L3MBTL4: variants seen among roughly 807,000 people sequenced by gnomAD.
L3MBTL4 encodes the protein L3MBTL histone methyl-lysine binding protein 4, also known as lethal(3)malignant brain tumor-like protein 4.
L3MBTL4 carries 70 observed loss-of-function variants against 84.5 expected under a neutral mutation model. The observed-to-expected ratio is 0.83, with a 90% CI of 0.68 to 1.01. The LOEUF is 1.01. Ranked by LOEUF, L3MBTL4 falls within the 50% of genes least tolerant of loss-of-function variation. The pLI, the probability that L3MBTL4 is intolerant of heterozygous loss-of-function variation, is 0.00. For missense variants in L3MBTL4, 715 were observed against 754.8 expected, an observed-to-expected ratio of 0.95 and a Z score of 0.62; for synonymous variants, 274 against 259.8, an observed-to-expected ratio of 1.05 and a Z score of -0.52.
In L3MBTL4 at chr18:6,266,213, C is replaced by T. The variant is rs116851098; in HGVS notation, c.128-2175G>A. Among the ~76,000 whole-genome samples the T allele has an allele frequency of 1.1e-3, 166 of 152,268 alleles. 4 individuals are homozygous for T. In the East Asian group the frequency reaches 0.03, roughly 27 times the overall value. Reference sequence around the variant, plus strand: ...TGCTAAGCAACAGGCATATGTATGTCCACACAACCAAACACATTCACGTAG... The same window carrying T: ...TGCTAAGCAACAGGCATATGTATGTTCACACAACCAAACACATTCACGTAG... On this transcript the variant is annotated intron_variant, in intron 4 of 18. Coordinates refer to ENST00000317931, the MANE Select transcript of L3MBTL4 (RefSeq NM_001330559.2).
chr18:6,267,901 G>A (rs1484197001), intron 4 of L3MBTL4, among the ~76,000 whole-genome samples: 1 of 152,218 alleles, frequency 6.6e-6, no homozygotes, highest in Non-Finnish European at 1.5e-5. Context: ...CTCAGAGCCT[G>A]TAGACGGGTC....
intron 14 of L3MBTL4, among the ~76,000 whole-genome samples, chr18:6,094,998 A>G (rs1315560108): frequency 6.6e-6 from 1 of 152,216 alleles, no homozygotes; most frequent in East Asian, 1.9e-4. Flanking sequence ...TGATTCAACA[A>G]TCCATAAGCA....
At chr18:6,123,471 T>A (rs1041780585) in intron 14 of L3MBTL4, among the ~76,000 whole-genome samples, 2 of 152,156 alleles carry the variant, frequency 1.3e-5, no homozygotes. Flanking sequence ...TGAGATCTGA[T>A]GGTTTTATAC....
At chr18:6,191,535 T>C (rs910944622) in intron 12 of L3MBTL4, among the ~76,000 whole-genome samples, 11 of 152,160 alleles carry the variant, frequency 7.2e-5, no homozygotes, top group African/African-American at 2.7e-4. Context: ...CTATTCGACA[T>C]AAAACGGACA....
At chr18:6,314,016 T>C (rs944476886) in intron 1 of L3MBTL4, among the ~76,000 whole-genome samples, 1 of 151,442 alleles carries the variant, frequency 6.6e-6, no homozygotes, top group African/African-American at 2.4e-5. Flanking sequence ...GAGATGAATG[T>C]TATACAGATG....
chr18:6,002,270 G>A (rs2054248057), intron 16 of L3MBTL4, among the ~76,000 whole-genome samples: 1 of 152,160 alleles, frequency 6.6e-6, no homozygotes, highest in Non-Finnish European at 1.5e-5. Flanking sequence ...TTCATTTTCA[G>A]TAGACCTGCC....
At chr18:6,036,760 A>G (rs1452973360) in intron 16 of L3MBTL4, among the ~76,000 whole-genome samples, 2 of 152,190 alleles carry the variant, frequency 1.3e-5, no homozygotes, top group East Asian at 3.8e-4. Context: ...AGAGTTTGCT[A>G]ATTTTTTATA....
chr18:6,026,089 T>C (rs1427632453), intron 16 of L3MBTL4, among the ~76,000 whole-genome samples: 1 of 152,272 alleles, frequency 6.6e-6, no homozygotes, highest in Admixed American at 6.5e-5. Flanking sequence ...ATGATACGAC[T>C]GACTTCTCTC....
chr18:6,302,109 G>T, intron 3 of L3MBTL4, 152 bp from the exon 4 acceptor site: 1 of 727,288 alleles, frequency 1.4e-6, no homozygotes. Context: ...TCCGGTGGGT[G>T]CCCAGGAGGG....
At chr18:6,015,150 G>A (rs1279883030) in intron 16 of L3MBTL4, among the ~76,000 whole-genome samples, 1 of 152,166 alleles carries the variant, frequency 6.6e-6, no homozygotes, top group Non-Finnish European at 1.5e-5. Flanking sequence ...GAAGACACAG[G>A]TAGATTTCAA....
intron 16 of L3MBTL4, among the ~76,000 whole-genome samples, chr18:6,007,066 TA>T (rs1345543941): frequency 2.0e-5 from 3 of 151,222 alleles, no homozygotes; most frequent in Non-Finnish European, 3.0e-5. Context: ...CAAGAGTAAA[TA>T]AAAAAATGGT....
intron 16 of L3MBTL4, among the ~76,000 whole-genome samples, chr18:5,997,794 T>C (rs923462259): frequency 6.6e-6 from 1 of 152,184 alleles, no homozygotes; most frequent in African/African-American, 2.4e-5. Flanking sequence ...AAATAAACTT[T>C]CTAAATTGGT....
At chr18:6,209,370 T>C (rs1478094886) in intron 12 of L3MBTL4, among the ~76,000 whole-genome samples, 3 of 150,816 alleles carry the variant, frequency 2.0e-5, no homozygotes, top group African/African-American at 5.0e-5. Context: ...AGCCGGGATA[T>C]TATTACTGAG....
chr18:6,030,047 T>C (rs1323272451), intron 16 of L3MBTL4: 3 of 985,356 alleles, frequency 3.0e-6, no homozygotes, highest in Non-Finnish European at 3.6e-6. Flanking sequence ...CCGCTCCATG[T>C]GTTAAGAACT....
At chr18:6,080,549 G>C (rs540551150) in intron 16 of L3MBTL4, among the ~76,000 whole-genome samples, 1 of 152,166 alleles carries the variant, frequency 6.6e-6, no homozygotes, top group South Asian at 2.1e-4. Flanking sequence ...GACACTCCTG[G>C]TTTCCCTCCA....
intron 1 of L3MBTL4, among the ~76,000 whole-genome samples, chr18:6,365,954 T>G (rs1244674156): frequency 3.9e-5 from 6 of 152,114 alleles, no homozygotes; most frequent in Admixed American, 1.3e-4. Context: ...TCACACAGCC[T>G]TAGCCAAATG....
At chr18:6,271,326 T>C (rs2048859068) in intron 4 of L3MBTL4, among the ~76,000 whole-genome samples, 1 of 152,200 alleles carries the variant, frequency 6.6e-6, no homozygotes, top group Admixed American at 6.5e-5. Context: ...ATTTATAAAT[T>C]ATAGTATCAC....
At chr18:6,042,661 G>A (rs1386620944) in intron 16 of L3MBTL4, among the ~76,000 whole-genome samples, 1 of 152,196 alleles carries the variant, frequency 6.6e-6, no homozygotes, top group Non-Finnish European at 1.5e-5. Context: ...AGTGGCCTTT[G>A]CCTCTCCTCC....
Position 6,362,245 on chromosome 18 carries a change from G to C in L3MBTL4, c.-90-50189C>G, listed in dbSNP as rs369959064. 2.0e-5 allele frequency among the ~76,000 whole-genome samples: 3 copies of C among 146,900 alleles called. No individual in the cohort carries two copies. The East Asian group carries it at 6.0e-4, about 29-fold the overall frequency. On this transcript the variant is annotated intron_variant, in intron 1 of 18. Transcript: ENST00000317931. ...GGGAGGGGAGGGGACTGAAAGGAAA[G>C]GAAAGGGAAAGGAAAGGAAAGGAAA...
Sources: allele counts gnomAD v4.1 joint callset (sites outside exome capture counted in the v4.1 genomes callset), GRCh38; gene constraint gnomAD v4.1.1; transcripts MANE v1.5; gene names NCBI Gene and HGNC (gene_info 2026-07-23, HGNC 2026-07-21).